Variants in SLC35F4 observed in about 807,000 individuals in gnomAD.
The protein encoded by SLC35F4 is solute carrier family 35 member F4.
Under a neutral mutation model 44.2 loss-of-function variants are expected in SLC35F4, and 24 were observed. The ratio of observed to expected loss-of-function variants is 0.54; its 90% CI spans 0.39 to 0.76. SLC35F4 has a LOEUF of 0.76. Ranked by LOEUF, SLC35F4 falls within the 30% of genes least tolerant of loss-of-function variation. The pLI, the probability that SLC35F4 is intolerant of heterozygous loss-of-function variation, is 0.00. For missense variants in SLC35F4, 562 were observed against 586.1 expected (o/e 0.96, Z 0.42); for synonymous variants, 238 against 223.6 (o/e 1.06, Z -0.57).
chr14:57,687,755 C>T (rs1459135480), intron 1 of SLC35F4, among the ~76,000 whole-genome samples: 1 of 152,152 alleles, frequency 6.6e-6, no homozygotes, highest in Non-Finnish European at 1.5e-5. Context: ...CTTAGTCTAC[C>T]AGGAACTAAT....
chr14:57,749,795 G>A (rs1348747316), intron 1 of SLC35F4, among the ~76,000 whole-genome samples: 1 of 151,916 alleles, frequency 6.6e-6, no homozygotes, highest in East Asian at 1.9e-4. Context: ...ATAGAGAGTG[G>A]GCATGTAAGG....
At chr14:57,908,354 T>C (rs1889150214) in intron 1 of SLC35F4, among the ~76,000 whole-genome samples, 2 of 152,226 alleles carry the variant, frequency 1.3e-5, no homozygotes, top group Admixed American at 6.5e-5. Context: ...TCTAGATCCT[T>C]GAGGAATTGC....
At chr14:57,674,796 C>G (rs1328338012) in intron 1 of SLC35F4, among the ~76,000 whole-genome samples, 1 of 152,086 alleles carries the variant, frequency 6.6e-6, no homozygotes, top group East Asian at 1.9e-4. Flanking sequence ...ATTTCCCAAG[C>G]CCAGTTCCTA....
rs1595219891 is a variant in SLC35F4 at position 57,853,994 on chromosome 14, G to T, written c.103+11729C>A. Among the ~76,000 whole-genome samples, 4 of 152,236 alleles carry T rather than the reference G, an allele frequency of 2.6e-5. No homozygotes were observed. The South Asian group carries it at 8.3e-4, about 32-fold the overall frequency. ...CTTTCCATTTTACATAGTCTCAAAT[G>T]GCATAGAACCAGCTTGCCAAATTCT... is the stretch of plus-strand genomic sequence containing the variant. On this transcript the variant is annotated intron_variant, in intron 1 of 7. Transcript: ENST00000556826.
intron 1 of SLC35F4, among the ~76,000 whole-genome samples, chr14:57,649,628 G>T (rs1190908055): frequency 1.3e-5 from 2 of 152,164 alleles, no homozygotes; most frequent in African/African-American, 4.8e-5. Flanking sequence ...GCATCTCTGA[G>T]GGGTCATTAT....
chr14:57,707,521 C>T (rs1174968655), intron 1 of SLC35F4, among the ~76,000 whole-genome samples: 1 of 152,170 alleles, frequency 6.6e-6, no homozygotes, highest in Non-Finnish European at 1.5e-5. Context: ...TTCCTGAGGC[C>T]TTCCCAGCCG....
chr14:57,579,373 A>AAGTT (rs1193725230), intron 4 of SLC35F4: 1 of 152,238 alleles, frequency 6.6e-6, no homozygotes, highest in Non-Finnish European at 1.5e-5. Context: ...ATTTAAAGAT[A>AAGTT]AGTTACACAG....
chr14:57,844,117 T>C (rs764179122), intron 1 of SLC35F4, among the ~76,000 whole-genome samples: 1 of 152,166 alleles, frequency 6.6e-6, no homozygotes, highest in Non-Finnish European at 1.5e-5. Flanking sequence ...CCAGTAAGCA[T>C]AAATACAAGA....
intron 1 of SLC35F4, among the ~76,000 whole-genome samples, chr14:57,645,025 C>T (rs1035473893): frequency 1.3e-5 from 2 of 152,078 alleles, no homozygotes; most frequent in African/African-American, 2.4e-5. Flanking sequence ...TTACTGTAGC[C>T]TTGTAGTATA....
At chr14:57,805,669 T>C (rs1482801380) in intron 1 of SLC35F4, among the ~76,000 whole-genome samples, 1 of 152,096 alleles carries the variant, frequency 6.6e-6, no homozygotes, top group Non-Finnish European at 1.5e-5. Flanking sequence ...AGCTAATGGA[T>C]GCTGGGCTTA....
At chr14:57,619,999 A>G (rs1276296720) in intron 1 of SLC35F4, among the ~76,000 whole-genome samples, 1 of 152,144 alleles carries the variant, frequency 6.6e-6, no homozygotes, top group East Asian at 1.9e-4. Context: ...TGAAAAAAGA[A>G]TGAAAAGAAA....
intron 1 of SLC35F4, among the ~76,000 whole-genome samples, chr14:57,898,714 G>T (rs943238061): frequency 6.6e-6 from 1 of 152,174 alleles, no homozygotes; most frequent in Non-Finnish European, 1.5e-5. Flanking sequence ...TTCAGTAAGA[G>T]CCCTATTGCT....
At chr14:57,785,033 A>G (rs1425214337) in intron 1 of SLC35F4, among the ~76,000 whole-genome samples, 2 of 152,212 alleles carry the variant, frequency 1.3e-5, no homozygotes, top group Non-Finnish European at 2.9e-5. Context: ...GACAGTTCAT[A>G]TTATTGGTAA....
intron 1 of SLC35F4, among the ~76,000 whole-genome samples, chr14:57,816,940 G>C (rs1166979702): frequency 6.6e-6 from 1 of 152,114 alleles, no homozygotes; most frequent in Non-Finnish European, 1.5e-5. Flanking sequence ...CAGCTCCATG[G>C]AATCACCTCT....
downstream of SLC35F4, among the ~76,000 whole-genome samples, chr14:57,974,612 C>T (rs1333952841): frequency 1.3e-5 from 2 of 152,124 alleles, no homozygotes; most frequent in African/African-American, 2.4e-5. Flanking sequence ...GGGGACAGAG[C>T]TTCAGAATGG....
chr14:57,952,327 G>GA (rs973954826), intron 1 of SLC35F4, among the ~76,000 whole-genome samples: 6 of 152,120 alleles, frequency 3.9e-5, no homozygotes, highest in Non-Finnish European at 7.4e-5. Flanking sequence ...CACGAAGATG[G>GA]AAAAAAACAG....
intron 1 of SLC35F4, among the ~76,000 whole-genome samples, chr14:57,710,489 G>C (rs369900417): frequency 2.0e-5 from 3 of 152,192 alleles, no homozygotes; most frequent in African/African-American, 7.2e-5. Context: ...GTGAGAAAAG[G>C]GCCAGCATCC....
At chr14:57,625,592 C>G (rs547568391) in intron 1 of SLC35F4, among the ~76,000 whole-genome samples, 3 of 152,208 alleles carry the variant, frequency 2.0e-5, no homozygotes, top group African/African-American at 7.2e-5. Flanking sequence ...GGTACTGGTA[C>G]CAAAACAGAC....
rs1253084104 is a variant in SLC35F4 at position 57,865,821 on chromosome 14, T to G, written c.5A>C (p.Asp2Ala). The change falls in exon 1 of 8, where the codon GAT becomes GCT. Residue 2 changes from aspartate (D) to alanine (A), a missense_variant. Transcript: ENST00000556826. ...CACCCCGTTGGGGGCCGCCTTGACA[T>G]CCATAGAGAGCGCGGGGCGACGGCC... is the stretch of plus-strand genomic sequence containing the variant. M[D>A]VKAAPNGVAT... The G allele has an allele frequency of 6.6e-7, 1 of 1,507,580 alleles. No individual in the cohort carries two copies. The highest frequency in any genetic ancestry group is 8.8e-7 in the Non-Finnish European group (1 of 1,134,508). The allele number at this position is 1,507,580 out of a possible 1,614,324, so 93.4% of individuals were successfully genotyped here.
Sources: gnomAD v4.1 joint callset for allele counts (sites outside exome capture counted in the v4.1 genomes callset) on GRCh38, gnomAD v4.1.1 for gene constraint, MANE v1.5 for transcripts, NCBI Gene and HGNC (gene_info 2026-07-23, HGNC 2026-07-21) for gene names.